Variants in AFG2A observed in about 807,000 individuals in gnomAD.
The protein encoded by AFG2A is AAA ATPase AFG2A, also known as ATPase family gene 2 protein homolog A.
the AFG2A span, among the ~76,000 whole-genome samples, chr4:123,179,306 A>G: frequency 0.022 from 2,473 of 114,258 alleles, 37 homozygotes; most frequent in Non-Finnish European, 0.034. Context: ...GCTCACACAT[A>G]CTACTTACTT....
At chr4:123,308,650 T>G in the AFG2A span, among the ~76,000 whole-genome samples, 2 of 152,132 alleles carry the variant, frequency 1.3e-5, no homozygotes, top group Admixed American at 6.5e-5. Flanking sequence ...CATGGAAAGA[T>G]TGTCTTCCAC....
At chr4:123,054,495 G>C in the AFG2A span, among the ~76,000 whole-genome samples, 3 of 151,886 alleles carry the variant, frequency 2.0e-5, no homozygotes, top group Admixed American at 2.0e-4. Context: ...GAGGCAGGCA[G>C]ATGACGAGGT....
the AFG2A span, among the ~76,000 whole-genome samples, chr4:123,222,725 T>C: frequency 1.3e-5 from 2 of 152,164 alleles, no homozygotes; most frequent in Non-Finnish European, 2.9e-5. Context: ...GGTAACCATC[T>C]TTCTACTCTT....
At chr4:123,216,488 G>A in the AFG2A span, among the ~76,000 whole-genome samples, 1 of 151,980 alleles carries the variant, frequency 6.6e-6, no homozygotes, top group East Asian at 1.9e-4. Context: ...CTATTAAAAT[G>A]GTGATACATA....
the AFG2A span, among the ~76,000 whole-genome samples, chr4:122,974,541 A>C: frequency 6.6e-5 from 10 of 152,308 alleles, no homozygotes; most frequent in African/African-American, 2.4e-4. Context: ...AGTGAGTCAA[A>C]ATATGTGTGT....
the AFG2A span, among the ~76,000 whole-genome samples, chr4:123,018,385 TATG>T: frequency 3.9e-5 from 6 of 152,208 alleles, no homozygotes; most frequent in African/African-American, 1.4e-4. Context: ...TTACGGTAGT[TATG>T]ATATATTGTA....
the AFG2A span, among the ~76,000 whole-genome samples, chr4:123,289,806 T>C: frequency 1.3e-5 from 2 of 152,212 alleles, no homozygotes; most frequent in African/African-American, 2.4e-5. Flanking sequence ...TTTATACGGT[T>C]GTTGGCCATT....
chr4:123,314,260 A>C, the AFG2A span: 1 of 393,102 alleles, frequency 2.5e-6, no homozygotes, highest in Non-Finnish European at 4.4e-6. Context: ...CATAAGTTTC[A>C]ATCAGTTTTA....
At chr4:122,948,684 G>A in the AFG2A span, among the ~76,000 whole-genome samples, 1 of 152,146 alleles carries the variant, frequency 6.6e-6, no homozygotes, top group African/African-American at 2.4e-5. Flanking sequence ...GGGCGGCCCA[G>A]TGGTGATGGG....
the AFG2A span, among the ~76,000 whole-genome samples, chr4:123,006,578 A>G: frequency 6.6e-6 from 1 of 152,104 alleles, no homozygotes; most frequent in Admixed American, 6.5e-5. Flanking sequence ...ATCTCTATCT[A>G]GTGCTGCACC....
At chr4:122,960,608 CAGGCCTTGATA>C in the AFG2A span, among the ~76,000 whole-genome samples, 3 of 152,214 alleles carry the variant, frequency 2.0e-5, no homozygotes, top group Non-Finnish European at 4.4e-5. Flanking sequence ...ACCAAATTCT[CAGGCCTTGATA>C]AGGTAGCATA....
At chr4:123,241,861 A>G in the AFG2A span, among the ~76,000 whole-genome samples, 7 of 152,216 alleles carry the variant, frequency 4.6e-5, no homozygotes, top group Admixed American at 2.0e-4. Flanking sequence ...TGCAGATGAC[A>G]TGATTGTATA....
At chr4:123,242,427 G>A in the AFG2A span, among the ~76,000 whole-genome samples, 1 of 150,546 alleles carries the variant, frequency 6.6e-6, no homozygotes, top group Non-Finnish European at 1.5e-5. Flanking sequence ...GAGAACAGAG[G>A]CCTCAGAAAT....
At chr4:122,995,350 T>C in the AFG2A span, among the ~76,000 whole-genome samples, 1 of 152,122 alleles carries the variant, frequency 6.6e-6, no homozygotes, top group Admixed American at 6.5e-5. Context: ...GAAAAGTGTC[T>C]TCTATCACTC....
the AFG2A span, chr4:123,319,159 A>G: frequency 3.2e-4 from 49 of 152,338 alleles, no homozygotes; most frequent in Middle Eastern, 3.4e-3. Context: ...TAAAAATAAT[A>G]TATAGATTTT....
At chr4:123,270,314 C>A in the AFG2A span, among the ~76,000 whole-genome samples, 2 of 152,132 alleles carry the variant, frequency 1.3e-5, no homozygotes, top group Non-Finnish European at 1.5e-5. Flanking sequence ...AATAGTAGAG[C>A]ATGACAATAA....
At chr4:123,087,599 T>A in the AFG2A span, among the ~76,000 whole-genome samples, 2 of 152,204 alleles carry the variant, frequency 1.3e-5, no homozygotes, top group African/African-American at 4.8e-5. Context: ...TTGCTGAAGA[T>A]AAAACTCACA....
the AFG2A span, among the ~76,000 whole-genome samples, chr4:123,136,517 A>C: frequency 1.3e-5 from 2 of 151,404 alleles, no homozygotes; most frequent in African/African-American, 4.9e-5. Flanking sequence ...AAAAAAAAAT[A>C]CAAAAAAATT....
chr4:123,014,311 A>G, the AFG2A span, among the ~76,000 whole-genome samples: 1 of 152,168 alleles, frequency 6.6e-6, no homozygotes, highest in Non-Finnish European at 1.5e-5. Context: ...TTCATGATGT[A>G]TGAAGAATTT....
Sources: gnomAD v4.1 joint callset for allele counts (sites outside exome capture counted in the v4.1 genomes callset) on GRCh38, gnomAD v4.1.1 for gene constraint, MANE v1.5 for transcripts, NCBI Gene and HGNC (gene_info 2026-07-23, HGNC 2026-07-21) for gene names.